The following SLC8A1 variants were observed in gnomAD, a reference collection of about 807,000 sequenced individuals.
The protein encoded by SLC8A1 is sodium/calcium exchanger 1.
In SLC8A1, 18 loss-of-function variants were observed where a neutral mutation model predicts 68.3. That is an observed-to-expected ratio of 0.26 (90% confidence interval 0.18 to 0.39). SLC8A1 has a LOEUF of 0.39. Ranked by LOEUF, SLC8A1 falls within the 10% of genes least tolerant of loss-of-function variation. The pLI, the probability that SLC8A1 is intolerant of heterozygous loss-of-function variation, is 1.00. For synonymous variants in SLC8A1, 475 were observed against 415.5 expected (o/e 1.14, Z -1.74); for missense variants, 985 against 1,156.7 (o/e 0.85, Z 2.15).
intron 2 of SLC8A1, among the ~76,000 whole-genome samples, chr2:40,308,428 T>C (rs1254964558): frequency 6.6e-6 from 1 of 152,140 alleles, no homozygotes; most frequent in African/African-American, 2.4e-5. Context: ...GAAAGGTCAC[T>C]GGATATGCTG....
chr2:40,158,599 T>C (rs779912412), intron 6 of SLC8A1, among the ~76,000 whole-genome samples: 1 of 152,186 alleles, frequency 6.6e-6, no homozygotes, highest in Non-Finnish European at 1.5e-5. Context: ...CATGAAATGA[T>C]GACACCATGG....
At chr2:40,235,269 A>G (rs2060209335) in intron 2 of SLC8A1, among the ~76,000 whole-genome samples, 1 of 152,086 alleles carries the variant, frequency 6.6e-6, no homozygotes, top group African/African-American at 2.4e-5. Context: ...TATTGCCACA[A>G]TTTCAGATCC....
At chr2:40,284,983 A>G (rs2068085135) in intron 2 of SLC8A1, among the ~76,000 whole-genome samples, 1 of 152,138 alleles carries the variant, frequency 6.6e-6, no homozygotes, top group Non-Finnish European at 1.5e-5. Context: ...AGAATGTCAG[A>G]GTCAATAACA....
chr2:40,139,144 C>T (rs532163415), intron 7 of SLC8A1, among the ~76,000 whole-genome samples: 44 of 152,274 alleles, frequency 2.9e-4, no homozygotes, highest in African/African-American at 1.0e-3. Context: ...TCAAACCAAT[C>T]TGGTCTCTTA....
intron 1 of SLC8A1, among the ~76,000 whole-genome samples, chr2:40,486,600 C>A (rs2149918558): frequency 6.6e-6 from 1 of 151,796 alleles, no homozygotes; most frequent in East Asian, 1.9e-4. Flanking sequence ...TTAAAACACA[C>A]AGATAATATA....
exon 8 of SLC8A1, chr2:40,103,961 G>A (rs1201717300): frequency 6.6e-6 from 1 of 152,114 alleles, no homozygotes; most frequent in Non-Finnish European, 1.5e-5. Context: ...GACCATACGG[G>A]GCTTGATGTG....
At chr2:40,475,488 G>T (rs988023508) in intron 1 of SLC8A1, among the ~76,000 whole-genome samples, 1 of 151,804 alleles carries the variant, frequency 6.6e-6, no homozygotes, top group African/African-American at 2.4e-5. Context: ...ATATCTGTAG[G>T]TATTTATTGT....
Position 40,382,925 on chromosome 2 carries a change from A to G in SLC8A1, c.1808+45548T>C, listed in dbSNP as rs533924732. ...TCTTTCTTGGTTGATTCATTCATTA[A>G]TTCATCTGAATAAACACTTGATGAA... On this transcript the variant is annotated intron_variant, in intron 2 of 7. Coordinates refer to ENST00000406785, the Ensembl canonical transcript of SLC8A1. 7.9e-5 allele frequency among the ~76,000 whole-genome samples: 12 copies of G among 152,218 alleles called. 1 individual carries two copies. In the South Asian group the frequency reaches 2.5e-3, roughly 32 times the overall value.
intron 2 of SLC8A1, among the ~76,000 whole-genome samples, chr2:40,410,625 G>C (rs1034406734): frequency 6.6e-6 from 1 of 151,730 alleles, no homozygotes; most frequent in Non-Finnish European, 1.5e-5. Context: ...ATGATATTTT[G>C]AAGTATATGT....
intron 1 of SLC8A1, among the ~76,000 whole-genome samples, chr2:40,485,025 A>T (rs1704867759): frequency 6.6e-6 from 1 of 152,174 alleles, no homozygotes; most frequent in Admixed American, 6.5e-5. Flanking sequence ...AGAAGTCATC[A>T]TACTAAAGAA....
chr2:40,465,707 G>A (rs1305865666), intron 1 of SLC8A1, among the ~76,000 whole-genome samples: 1 of 152,106 alleles, frequency 6.6e-6, no homozygotes, highest in Non-Finnish European at 1.5e-5. Flanking sequence ...TTTTATTTCA[G>A]AATAAGGTGC....
intron 2 of SLC8A1, among the ~76,000 whole-genome samples, chr2:40,186,927 C>T (rs545811292): frequency 8.9e-4 from 136 of 152,236 alleles, no homozygotes; most frequent in African/African-American, 3.2e-3. Flanking sequence ...TAATATATTG[C>T]ATGCAAAAAT....
chr2:40,172,912 A>G (rs2047771251), intron 4 of SLC8A1, among the ~76,000 whole-genome samples: 1 of 152,198 alleles, frequency 6.6e-6, no homozygotes, highest in Admixed American at 6.5e-5. Context: ...ACTGTACTCC[A>G]GCCTGGCAAC....
chr2:40,243,771 C>T (rs920613884), intron 2 of SLC8A1, among the ~76,000 whole-genome samples: 1 of 152,186 alleles, frequency 6.6e-6, no homozygotes, highest in Non-Finnish European at 1.5e-5. Flanking sequence ...AACTCTGCTG[C>T]ACATTTATAG....
chr2:40,367,424 A>G (rs971022043), intron 2 of SLC8A1, among the ~76,000 whole-genome samples: 3 of 152,032 alleles, frequency 2.0e-5, no homozygotes, highest in African/African-American at 7.2e-5. Context: ...GTATCGCTAC[A>G]CACATCCCTT....
Position 40,215,622 on chromosome 2 carries a change from C to T in SLC8A1, c.1809-37767G>A, listed in dbSNP as rs1317363482. On this transcript the variant is annotated intron_variant, in intron 2 of 7. Transcript: ENST00000406785. ...ACTGCAGTCCGCAGTCCGGCCTGGG[C>T]GACAAAGCGAGACTCCGTCTCAAAA... 1.0e-4 allele frequency among the ~76,000 whole-genome samples: 12 copies of T among 119,982 alleles called. No homozygotes were observed. In the South Asian group the frequency reaches 1.3e-3, roughly 13 times the overall value. 78.7% of individuals were successfully genotyped at this position (119,982 alleles called of 152,430 possible). A position where few individuals can be genotyped will look rare whatever the true frequency, so the allele number is the denominator to read the frequency against.
chr2:40,174,958 A>G (rs908046473), intron 3 of SLC8A1, 116 bp from the exon 5 acceptor site: 4 of 946,764 alleles, frequency 4.2e-6, no homozygotes, highest in Admixed American at 4.5e-5. Context: ...TATATTTACA[A>G]TTAAGAAGAC....
intron 2 of SLC8A1, among the ~76,000 whole-genome samples, chr2:40,211,400 C>T (rs948893155): frequency 6.6e-6 from 1 of 152,086 alleles, no homozygotes; most frequent in African/African-American, 2.4e-5. Context: ...AAATGTAGAC[C>T]TGAAGTTTAC....
intron 2 of SLC8A1, among the ~76,000 whole-genome samples, chr2:40,336,462 C>T: frequency 6.6e-6 from 1 of 152,150 alleles, no homozygotes; most frequent in African/African-American, 2.4e-5. Context: ...CTCGGTACTC[C>T]TGAGAGGCCT....
Sources: gnomAD v4.1 joint callset for allele counts (sites outside exome capture counted in the v4.1 genomes callset) on GRCh38, gnomAD v4.1.1 for gene constraint, MANE v1.5 for transcripts, NCBI Gene and HGNC (gene_info 2026-07-23, HGNC 2026-07-21) for gene names.